Variants in ZDHHC11B observed in about 807,000 individuals in gnomAD.
ZDHHC11B encodes the protein zDHHC palmitoyltransferase 11B (putative), also known as probable palmitoyltransferase ZDHHC11B.
Under a neutral mutation model 42.3 loss-of-function variants are expected in ZDHHC11B, and 17 were observed. That is an observed-to-expected ratio of 0.40 (90% CI 0.27 to 0.60). The LOEUF is 0.60. Ranked by LOEUF, ZDHHC11B falls within the 20% of genes least tolerant of loss-of-function variation. The pLI is 0.41. For synonymous variants in ZDHHC11B, 123 were observed against 193.5 expected (o/e 0.64, Z 3.02); for missense variants, 262 against 463.2 (o/e 0.57, Z 3.99).
intron 1 of ZDHHC11B, among the ~76,000 whole-genome samples, chr5:777,909 G>A (rs992476686): frequency 6.6e-6 from 1 of 151,158 alleles, no homozygotes. Flanking sequence ...GGAGCCCGGG[G>A]CGGGGGAGGG....
At chr5:771,831 G>A (rs1009497660) in intron 1 of ZDHHC11B, among the ~76,000 whole-genome samples, 44 of 145,252 alleles carry the variant, frequency 3.0e-4, no homozygotes, top group African/African-American at 9.0e-4. Context: ...GTGGGGATGC[G>A]CCTGAACAGA....
intron 4 of ZDHHC11B, among the ~76,000 whole-genome samples, chr5:760,194 A>T (rs1344497097): frequency 6.6e-6 from 1 of 151,764 alleles, no homozygotes; most frequent in Admixed American, 6.6e-5. Context: ...ATAAGGAAAC[A>T]GCCAGGTGTG....
chr5:760,408 C>T (rs771219745), intron 4 of ZDHHC11B, among the ~76,000 whole-genome samples: 4 of 151,700 alleles, frequency 2.6e-5, no homozygotes, highest in African/African-American at 7.3e-5. Context: ...GGTGTGAACA[C>T]GAGAAGACGA....
In ZDHHC11B at chr5:762,639, C is replaced by T. The variant is rs947340217; in HGVS notation, c.222+4059G>A. Among the ~76,000 whole-genome samples, 3 of 151,768 alleles carry T rather than the reference C, an allele frequency of 2.0e-5. 1 individual carries two copies. Among genetic ancestry groups the T allele is most frequent in the Admixed American group, 6.6e-5 (1 of 15,202 alleles). ...AGCCTTACTGGCAGTGTGTATCTGT[C>T]TGTGCATGCCCGGGTCTGTGCATGT... On this transcript the variant is annotated intron_variant, in intron 4 of 13. Coordinates refer to ENST00000508859, the MANE Select transcript of ZDHHC11B (RefSeq NM_001351303.2).
intron 12 of ZDHHC11B, among the ~76,000 whole-genome samples, chr5:723,154 A>G (rs1742317191): frequency 6.6e-6 from 1 of 150,544 alleles, no homozygotes; most frequent in Non-Finnish European, 1.5e-5. Context: ...ATAAATAAAC[A>G]AAATACGGAG....
intron 11 of ZDHHC11B, among the ~76,000 whole-genome samples, chr5:731,580 T>A (rs1397741368): frequency 6.6e-5 from 10 of 151,606 alleles, no homozygotes; most frequent in Non-Finnish European, 1.5e-5. Flanking sequence ...TGTGTATTTT[T>A]GAGTTTTCAT....
intron 12 of ZDHHC11B, among the ~76,000 whole-genome samples, chr5:722,111 T>C (rs1297278525): frequency 1.3e-5 from 2 of 151,740 alleles, no homozygotes; most frequent in African/African-American, 2.4e-5. Context: ...TGAAAACCCT[T>C]AGTAGAAATA....
chr5:737,227 T>C (rs535061562), intron 10 of ZDHHC11B, among the ~76,000 whole-genome samples: 10 of 148,046 alleles, frequency 6.8e-5, no homozygotes, highest in African/African-American at 2.5e-4. Flanking sequence ...GATGGATAAC[T>C]TCCTGGAAAT....
intron 12 of ZDHHC11B, among the ~76,000 whole-genome samples, chr5:720,658 G>C (rs1313597223): frequency 2.1e-4 from 32 of 151,838 alleles, no homozygotes; most frequent in Non-Finnish European, 4.6e-4. Flanking sequence ...CTTTGGGTTT[G>C]TAACTCTTTT....
rs1365530784 is a variant in ZDHHC11B at position 750,797 on chromosome 5, C to T, written c.628+336G>A. The stretch of plus-strand genomic sequence containing the variant: ...GGGCACCCCCACCCTCCCACAGCTA[C>T]ATGGCCCCACAGGATGGTGTGACAG... On this transcript the variant is annotated intron_variant, in intron 7 of 13. Transcript: ENST00000508859. Among the ~76,000 whole-genome samples the T allele has an allele frequency of 3.1e-5, 4 of 129,908 alleles. 2 individuals carry two copies. The highest frequency in any genetic ancestry group is 6.9e-5 in the Non-Finnish European group (4 of 58,314). The allele number at this position is 129,908 out of a possible 152,430, so 85.2% of individuals were successfully genotyped here.
chr5:720,613 G>T (rs1742111382), intron 12 of ZDHHC11B, among the ~76,000 whole-genome samples: 1 of 151,802 alleles, frequency 6.6e-6, no homozygotes, highest in East Asian at 1.9e-4. Flanking sequence ...AAGAAATAAA[G>T]AACACAGGTA....
chr5:733,689 C>T (rs1167745099), intron 11 of ZDHHC11B, 63 bp downstream of exon 11: 31 of 1,473,258 alleles, frequency 2.1e-5, no homozygotes, highest in Non-Finnish European at 2.6e-5. Flanking sequence ...TTGGGGGACC[C>T]GAGACCACAT....
chr5:730,433 C>G lies in ZDHHC11B; in HGVS notation c.1058+1G>C. ...CGTTCCCATTAAACTTACGAACTTA[C>G]CCAAGTGTAGATGTACTCGGGGCAT... is the stretch of plus-strand genomic sequence containing the variant. On this transcript the variant is annotated splice_donor_variant, in intron 12 of 13. Coordinates refer to ENST00000508859, the MANE Select transcript of ZDHHC11B (RefSeq NM_001351303.2). LOFTEE classifies it high-confidence loss of function. 1.3e-6 allele frequency: 2 copies of G among 1,578,548 alleles called. No homozygotes were observed. The highest frequency in any genetic ancestry group is 1.2e-5 in the South Asian group (1 of 83,102).
intron 4 of ZDHHC11B, among the ~76,000 whole-genome samples, chr5:760,184 A>G (rs957202937): frequency 2.6e-5 from 4 of 151,804 alleles, no homozygotes; most frequent in African/African-American, 9.7e-5. Context: ...CTAACAGCAC[A>G]TAAGGAAACA....
chr5:712,683 G>C (rs1177931542), intron 13 of ZDHHC11B, among the ~76,000 whole-genome samples: 2 of 151,100 alleles, frequency 1.3e-5, no homozygotes, highest in Non-Finnish European at 3.0e-5. Flanking sequence ...TCCGAGGCGG[G>C]TGGATCATGA....
chr5:758,105 G>A (rs1405520332), intron 4 of ZDHHC11B, among the ~76,000 whole-genome samples: 1 of 151,876 alleles, frequency 6.6e-6, no homozygotes, highest in East Asian at 1.9e-4. Flanking sequence ...CCCGCTCCCT[G>A]CAGGCTGAGC....
intron 12 of ZDHHC11B, among the ~76,000 whole-genome samples, chr5:720,973 T>C (rs1742138161): frequency 6.6e-6 from 1 of 151,664 alleles, no homozygotes; most frequent in African/African-American, 2.4e-5. Context: ...TAGCCAAGTG[T>C]GGTGATGTGT....
Position 779,528 on chromosome 5 carries a change from C to T in ZDHHC11B, c.-230+5140G>A, listed in dbSNP as rs531895954. On this transcript the variant is annotated intron_variant, in intron 1 of 13. Transcript: ENST00000508859. Reference sequence around the variant, plus strand: ...ACAGCACCTGCCTTCTGAGACACATCCAGCCTCTGGTTGCCCATTTTTAGG... The same window carrying T: ...ACAGCACCTGCCTTCTGAGACACATTCAGCCTCTGGTTGCCCATTTTTAGG... Among the ~76,000 whole-genome samples the T allele has an allele frequency of 6.7e-5, 10 of 149,596 alleles. No individual in the cohort carries two copies. In the East Asian group the frequency reaches 1.8e-3, roughly 26 times the overall value.
chr5:763,525 C>T (rs1282581764), intron 4 of ZDHHC11B, among the ~76,000 whole-genome samples: 40 of 151,782 alleles, frequency 2.6e-4, no homozygotes, highest in African/African-American at 9.4e-4. Context: ...GGGGAAAAAT[C>T]CAGCCAAGTC....
Sources: gnomAD v4.1 joint callset for allele counts (sites outside exome capture counted in the v4.1 genomes callset) on GRCh38, gnomAD v4.1.1 for gene constraint, MANE v1.5 for transcripts, NCBI Gene and HGNC (gene_info 2026-07-23, HGNC 2026-07-21) for gene names.